Variants in INTS6 observed in about 807,000 individuals in gnomAD.
The protein encoded by INTS6 is DEAD box protein.
A neutral mutation model predicts 104.9 loss-of-function variants in INTS6; 16 were observed. The ratio of observed to expected loss-of-function variants is 0.15; its 90% CI spans 0.10 to 0.23. INTS6 has a LOEUF of 0.23. Among genes scored for constraint, INTS6 ranks in the 10% least tolerant of loss-of-function variants. The pLI is 1.00. For synonymous variants in INTS6, 324 were observed against 358.7 expected, an observed-to-expected ratio of 0.90 and a Z score of 1.09; for missense variants, 584 against 1,062.8, an observed-to-expected ratio of 0.55 and a Z score of 6.26.
At chr13:51,345,810 C>A in the INTS6 span, among the ~76,000 whole-genome samples, 1 of 152,200 alleles carries the variant, frequency 6.6e-6, no homozygotes, top group Non-Finnish European at 1.5e-5. Flanking sequence ...GCTGCCAGGG[C>A]GTAAGGCCAG....
the INTS6 span, among the ~76,000 whole-genome samples, chr13:51,345,215 C>T: frequency 6.6e-6 from 1 of 152,144 alleles, no homozygotes; most frequent in Non-Finnish European, 1.5e-5. Flanking sequence ...ACAGAAGGCT[C>T]AGCCTCCTGC....
the INTS6 span, among the ~76,000 whole-genome samples, chr13:51,340,356 A>G: frequency 6.6e-6 from 1 of 152,212 alleles, no homozygotes; most frequent in Non-Finnish European, 1.5e-5. Context: ...TGGGGTAGGA[A>G]CTATCTTTGT....
chr13:51,355,616 A>G (rs1341610529), intron 3 of INTS6, among the ~76,000 whole-genome samples: 5 of 152,194 alleles, frequency 3.3e-5, no homozygotes, highest in Non-Finnish European at 5.9e-5. Flanking sequence ...CTTTTTTCAA[A>G]TTACCCATAC....
At chr13:51,449,416 A>C in intron 3 of INTS6, 3 of 957,364 alleles carry the variant, frequency 3.1e-6, no homozygotes, top group Non-Finnish European at 3.7e-6. Flanking sequence ...GGGAAAAGGA[A>C]AATACAGGTT....
At chr13:51,395,095 T>C (rs1593701887) in intron 5 of INTS6, among the ~76,000 whole-genome samples, 1 of 152,314 alleles carries the variant, frequency 6.6e-6, no homozygotes, top group South Asian at 2.1e-4. Context: ...TACCATTCCT[T>C]GTCATGTCCA....
At chr13:51,381,802 A>T (rs1956054782) in intron 10 of INTS6, among the ~76,000 whole-genome samples, 1 of 150,988 alleles carries the variant, frequency 6.6e-6, no homozygotes. Context: ...TTCCGGTTTC[A>T]AGCGATTCTC....
At chr13:51,405,002 A>G (rs1160304416) in intron 4 of INTS6, among the ~76,000 whole-genome samples, 1 of 152,250 alleles carries the variant, frequency 6.6e-6, no homozygotes. Flanking sequence ...CAATAAAAAT[A>G]TGCATAAAGT....
At chr13:51,356,293 CCTTA>C (rs1159541396) in intron 3 of INTS6, among the ~76,000 whole-genome samples, 4 of 151,956 alleles carry the variant, frequency 2.6e-5, no homozygotes, top group Non-Finnish European at 5.9e-5. Context: ...CAGAAACTTT[CCTTA>C]CTGACACAGG....
intron 7 of INTS6, chr13:51,384,992 A>G (rs1412792122): frequency 9.7e-6 from 2 of 206,962 alleles, no homozygotes; most frequent in Non-Finnish European, 2.0e-5. Flanking sequence ...CTGTTCGGTA[A>G]AAGTAACAGC....
intron 3 of INTS6, chr13:51,447,933 C>T (rs1193921686): frequency 6.6e-6 from 1 of 152,068 alleles, no homozygotes; most frequent in African/African-American, 2.4e-5. Flanking sequence ...TGGCTCAAGC[C>T]TGTAATCCCA....
At chr13:51,450,777 G>A (rs1953024786) in intron 3 of INTS6, 1 of 1,118,272 alleles carries the variant, frequency 8.9e-7, no homozygotes, top group South Asian at 4.1e-5. Context: ...TAAAACCAAT[G>A]TATGTCAACT....
rs1000879874 is a variant in INTS6, at chr13:51,453,011, T to C, written c.-486A>G. Reference sequence around the variant, plus strand: ...TCCGCACCCCGGCGGTGTCACCACTTTCTCAGCCCCTCTCGCTACTGAAGC... The same window carrying C: ...TCCGCACCCCGGCGGTGTCACCACTCTCTCAGCCCCTCTCGCTACTGAAGC... On this transcript the variant is annotated 5_prime_UTR_variant, in exon 1 of 18. Coordinates refer to ENST00000311234, the MANE Select transcript of INTS6 (RefSeq NM_012141.3). 9 of 1,011,914 alleles carry C rather than the reference T, an allele frequency of 8.9e-6. No individual in the cohort carries two copies. In the Admixed American group the frequency reaches 4.2e-4, roughly 47 times the overall value. 62.7% of individuals were successfully genotyped at this position (1,011,914 alleles called of 1,614,324 possible). A position where few individuals can be genotyped will look rare whatever the true frequency, so the allele number is the denominator to read the frequency against.
intron 11 of INTS6, among the ~76,000 whole-genome samples, 163 bp from the exon 12 acceptor site, chr13:51,378,617 T>G (rs1335856179): frequency 6.6e-6 from 1 of 152,042 alleles, no homozygotes; most frequent in Non-Finnish European, 1.5e-5. Context: ...AAATTAAACA[T>G]AGTTTAAACA....
In INTS6 at chr13:51,369,135, T is replaced by G. The variant is rs1213647617; in HGVS notation, c.2280A>C (p.Leu760Phe). ...NHMEALGHDH[L>F]GTNDLTVGGF... ...CACCAACAGTGAGGTCATTGGTTCCTAAATGGTCATGACCAAGAGCCTCCA... is the reference window on the plus strand; with the variant it reads ...CACCAACAGTGAGGTCATTGGTTCCGAAATGGTCATGACCAAGAGCCTCCA... Residue 760 changes from leucine to phenylalanine, a missense_variant, in exon 16 of 18, where the codon TTA (leucine) becomes TTC (phenylalanine). Physicochemically the swap from Leu to Phe is conservative, Grantham distance 22. Around this residue, in one of 5 missense-constraint regions of INTS6, gnomAD observed 296 missense variants for 437.0 expected, o/e 0.68. Transcript: ENST00000311234. 1.2e-6 allele frequency: 2 copies of G among 1,613,880 alleles called. No homozygotes were observed. The highest frequency in any genetic ancestry group is 1.7e-6 in the Non-Finnish European group (2 of 1,179,838).
intron 4 of INTS6, chr13:51,422,973 CTGTT>C (rs1467213172): frequency 3.2e-6 from 3 of 933,662 alleles, no homozygotes; most frequent in African/African-American, 1.7e-5. Flanking sequence ...TCAGAACCTT[CTGTT>C]TATTTCTGCC....
intron 6 of INTS6, among the ~76,000 whole-genome samples, chr13:51,388,049 C>T (rs1487232158): frequency 6.6e-6 from 1 of 152,172 alleles, no homozygotes; most frequent in East Asian, 1.9e-4. Flanking sequence ...AAGCACCTAC[C>T]TTTAATCTAA....
chr13:51,429,946 G>A (rs1378248689), intron 4 of INTS6, among the ~76,000 whole-genome samples: 1 of 151,524 alleles, frequency 6.6e-6, no homozygotes, highest in South Asian at 2.1e-4. Flanking sequence ...ACAATCCACT[G>A]AAATATAGGA....
rs1314515399 is a variant in INTS6, at chr13:51,379,497, T to C, written c.1351A>G (p.Ser451Gly). ...ADSMEYGLSY[S>G]VISYLKKLSQ... ...AGTTTTTTGAGGTATGAAATGACAC[T>C]GTAACTAAGTCCATATTCCATACTG... The change falls in exon 11 of 18, where the codon AGT (serine) becomes GGT (glycine). Residue 451 changes from serine (S) to glycine (G), a missense_variant. Around this residue, in one of 5 missense-constraint regions of INTS6, gnomAD observed 144 missense variants for 348.7 expected, o/e 0.41. Transcript: ENST00000311234. 1 of 1,603,636 alleles carries C rather than the reference T, an allele frequency of 6.2e-7. No individual in the cohort carries two copies. The highest frequency in any genetic ancestry group is 8.5e-7 in the Non-Finnish European group (1 of 1,174,844).
the INTS6 span, chr13:51,341,421 GCTCACA>G: frequency 2.2e-6 from 3 of 1,366,564 alleles, no homozygotes; most frequent in Non-Finnish European, 3.0e-6. Flanking sequence ...TCACCCTCCT[GCTCACA>G]CTCACACTCA....
Sources: gnomAD v4.1 joint callset for allele counts (sites outside exome capture counted in the v4.1 genomes callset) on GRCh38, gnomAD v4.1.1 for gene constraint, gnomAD v4.1.1 regional missense constraint, MANE v1.5 for transcripts, NCBI Gene and HGNC (gene_info 2026-07-23, HGNC 2026-07-21) for gene names.